MAP7D2: variants seen among roughly 807,000 people sequenced by gnomAD.
MAP7D2 encodes MAP7 domain-containing protein 2.
MAP7D2 carries 33 observed loss-of-function variants against 63.5 expected under a neutral mutation model. The observed-to-expected ratio is 0.52, with a 90% CI of 0.39 to 0.70. The LOEUF (loss-of-function observed/expected upper bound fraction) is 0.70, where lower values mean the gene tolerates loss of function less well. Among genes scored for constraint, MAP7D2 ranks in the 30% least tolerant of loss-of-function variants. MAP7D2 has a pLI of 0.00. For missense variants in MAP7D2, 626 were observed against 604.0 expected (o/e 1.04, Z -0.38); for synonymous variants, 224 against 223.7 (o/e 1.00, Z -0.01).
intron 6 of MAP7D2, 106 bp from the exon 7 acceptor site, chrX:20,044,630 T>C: frequency 1.4e-6 from 1 of 714,089 alleles, no homozygotes; most frequent in Non-Finnish European, 2.1e-6. Flanking sequence ...ACCTGGGCAA[T>C]CAATATCATA....
chrX:20,093,830 G>A (rs1184910112), intron 1 of MAP7D2, among the ~76,000 whole-genome samples: 1 of 110,953 alleles, frequency 9.0e-6, no homozygotes. Flanking sequence ...AATTGATTGT[G>A]GTGATGGTTG....
At chrX:20,095,060 G>C (rs2066219172) in intron 1 of MAP7D2, among the ~76,000 whole-genome samples, 1 of 107,240 alleles carries the variant, frequency 9.3e-6, no homozygotes, top group African/African-American at 3.4e-5. Flanking sequence ...GCAACAGAGT[G>C]AGACTCTGTC....
intron 8 of MAP7D2, 91 bp downstream of exon 8, chrX:20,042,411 G>C: frequency 9.4e-7 from 1 of 1,067,180 alleles, no homozygotes; most frequent in Non-Finnish European, 1.3e-6. Flanking sequence ...CGCCTCACGG[G>C]GGAGCAGGAG....
intron 8 of MAP7D2, 126 bp from the exon 9 acceptor site, chrX:20,026,078 A>G (rs1310818996): frequency 1.3e-6 from 1 of 757,388 alleles, no homozygotes; most frequent in Non-Finnish European, 1.9e-6. Context: ...AATAGGGCTT[A>G]GCACACACTC....
intron 1 of MAP7D2, among the ~76,000 whole-genome samples, chrX:20,092,089 T>A (rs971983240): frequency 8.9e-5 from 10 of 112,010 alleles, no homozygotes; most frequent in African/African-American, 2.6e-4. Context: ...AAGCAAAATG[T>A]GGATGCTACC....
intron 16 of MAP7D2, among the ~76,000 whole-genome samples, chrX:20,008,645 A>G (rs1603345271): frequency 8.9e-6 from 1 of 111,939 alleles, no homozygotes; most frequent in African/African-American, 3.2e-5. Context: ...AAACCTGCAG[A>G]TATTTAATGT....
At chrX:20,035,771 G>A (rs1205896073) in intron 8 of MAP7D2, among the ~76,000 whole-genome samples, 6 of 110,026 alleles carry the variant, frequency 5.5e-5, no homozygotes, top group Non-Finnish European at 1.1e-4. Flanking sequence ...AAATTAGGTG[G>A]GTGTGGTGGC....
chrX:20,107,574 C>CT (rs112777912), intron 1 of MAP7D2, among the ~76,000 whole-genome samples: 6 of 98,537 alleles, frequency 6.1e-5, no homozygotes, highest in African/African-American at 2.9e-4. Flanking sequence ...CTGTTTCCCG[C>CT]CCCCCCCAAA....
intron 1 of MAP7D2, among the ~76,000 whole-genome samples, chrX:20,101,234 G>A (rs781764355): frequency 3.6e-5 from 4 of 111,855 alleles, no homozygotes; most frequent in Non-Finnish European, 7.5e-5. Context: ...AGCCACTTTG[G>A]AAAATGGTTT....
intron 10 of MAP7D2, among the ~76,000 whole-genome samples, chrX:20,024,449 G>A (rs1001255694): frequency 1.8e-5 from 2 of 111,810 alleles, no homozygotes; most frequent in African/African-American, 3.3e-5. Flanking sequence ...TAGACTATGC[G>A]GTTGCCCCTA....
chrX:20,047,172 C>T (rs1048710139), intron 6 of MAP7D2, among the ~76,000 whole-genome samples: 6 of 112,366 alleles, frequency 5.3e-5, no homozygotes, highest in South Asian at 3.6e-4. Flanking sequence ...CTCAGGCAGC[C>T]GCCATAAAAC....
chrX:20,066,690 T>C (rs2065370947), intron 1 of MAP7D2, among the ~76,000 whole-genome samples: 1 of 111,772 alleles, frequency 8.9e-6, no homozygotes, highest in Non-Finnish European at 1.9e-5. Flanking sequence ...ATGCACCTTC[T>C]AGCTCATGCC....
At chrX:20,096,407 G>A (rs1306583286) in intron 1 of MAP7D2, among the ~76,000 whole-genome samples, 1 of 86,391 alleles carries the variant, frequency 1.2e-5, no homozygotes, top group Non-Finnish European at 2.2e-5. Flanking sequence ...TCCAGTCTCC[G>A]AGACAGAGCA....
intron 16 of MAP7D2, among the ~76,000 whole-genome samples, chrX:20,009,440 G>C (rs2073106048): frequency 9.0e-6 from 1 of 110,981 alleles, no homozygotes; most frequent in Non-Finnish European, 1.9e-5. Context: ...AAGGCAGGCA[G>C]ATTACCTGAG....
At chrX:20,103,229 G>C (rs2066484314) in intron 1 of MAP7D2, among the ~76,000 whole-genome samples, 1 of 111,891 alleles carries the variant, frequency 8.9e-6, no homozygotes, top group Non-Finnish European at 1.9e-5. Flanking sequence ...TAATGGTTTG[G>C]TAATGGCTTG....
chrX:20,096,140 A>T (rs2066257454), intron 1 of MAP7D2, among the ~76,000 whole-genome samples: 1 of 106,557 alleles, frequency 9.4e-6, no homozygotes, highest in Non-Finnish European at 1.9e-5. Flanking sequence ...AAAGAAAAGA[A>T]ATTCTGGCTG....
chrX:20,112,788 T>C (rs763476830), intron 1 of MAP7D2, among the ~76,000 whole-genome samples: 3 of 111,004 alleles, frequency 2.7e-5, no homozygotes, highest in African/African-American at 6.6e-5. Context: ...AGCCAATATA[T>C]CTCATCAAAT....
chrX:20,012,857 G>A (rs747427714), intron 14 of MAP7D2, among the ~76,000 whole-genome samples, 197 bp downstream of exon 14: 1 of 112,261 alleles, frequency 8.9e-6, no homozygotes, highest in Non-Finnish European at 1.9e-5. Context: ...GATTATGGGA[G>A]TAACCAAGGA....
At chrX:20,087,893 T>C (rs1306899051) in intron 1 of MAP7D2, among the ~76,000 whole-genome samples, 2 of 82,834 alleles carry the variant, frequency 2.4e-5, no homozygotes, top group Admixed American at 1.3e-4. Context: ...TTTTTTTTTT[T>C]TTTTTTTTTT....
Sources: gnomAD v4.1 joint callset for allele counts (sites outside exome capture counted in the v4.1 genomes callset) on GRCh38, gnomAD v4.1.1 for gene constraint, MANE v1.5 for transcripts, NCBI Gene and HGNC (gene_info 2026-07-23, HGNC 2026-07-21) for gene names.